WNT5B: variants seen among roughly 807,000 people sequenced by gnomAD.
The protein encoded by WNT5B is Wnt family member 5B.
A neutral mutation model predicts 36.5 loss-of-function variants in WNT5B; 18 were observed. The observed-to-expected ratio is 0.49, with a 90% CI of 0.34 to 0.73. WNT5B has a LOEUF of 0.73. Ranked by LOEUF, WNT5B falls within the 30% of genes least tolerant of loss-of-function variation. WNT5B has a pLI of 0.01. For synonymous variants in WNT5B, 213 were observed against 212.3 expected (o/e 1.00, Z -0.03); for missense variants, 424 against 508.4 (o/e 0.83, Z 1.60).
rs1331624046 is a variant in WNT5B, at chr12:1,632,792, T to C, written c.215T>C (p.Ile72Thr). ...CQLYQEHMAYIGEGAKTGIKE... is the reference protein window; with the variant it reads ...CQLYQEHMAYTGEGAKTGIKE... ...TTGTACCAGGAGCACATGGCCTACA[T>C]AGGGGAGGGAGCCAAGACTGGCATC... The change falls in exon 3 of 5, where the codon ATA becomes ACA. Residue 72 changes from isoleucine (I) to threonine (T), a missense_variant. Coordinates refer to ENST00000397196, the MANE Select transcript of WNT5B (RefSeq NM_032642.3). This position sits in a 1 kb window ranked among gnomAD's most constrained non-coding sequence, Gnocchi z 5.8. 6.2e-7 allele frequency: 1 copy of C among 1,613,906 alleles called. No individual in the cohort carries two copies. Among genetic ancestry groups the C allele is most frequent in the Non-Finnish European group, 8.5e-7 (1 of 1,179,974 alleles).
At chr12:1,635,767 T>C (rs568133986) in intron 3 of WNT5B, among the ~76,000 whole-genome samples, 1 of 152,370 alleles carries the variant, frequency 6.6e-6, no homozygotes, top group South Asian at 2.1e-4. Context: ...CCATCCCCAG[T>C]GCTCCTTGTC....
At chr12:1,639,206 C>T (rs1481416956) in intron 3 of WNT5B, among the ~76,000 whole-genome samples, 7 of 150,270 alleles carry the variant, frequency 4.7e-5, no homozygotes, top group East Asian at 2.0e-4. Flanking sequence ...GGCGCGGTCT[C>T]AGCTCCCTGC....
chr12:1,631,786 G>T (rs1324673223), intron 2 of WNT5B, among the ~76,000 whole-genome samples: 1 of 152,100 alleles, frequency 6.6e-6, no homozygotes. Context: ...TGTTTTGCTG[G>T]TAGGATATAG....
At chr12:1,634,542 C>T (rs1019266481) in intron 3 of WNT5B, among the ~76,000 whole-genome samples, 1 of 152,160 alleles carries the variant, frequency 6.6e-6, no homozygotes, top group South Asian at 2.1e-4. Flanking sequence ...AAAGCAAACC[C>T]TGTCGAAGAG....
At chr12:1,626,332 C>G (rs2094540941), upstream of WNT5B, among the ~76,000 whole-genome samples, 1 of 148,962 alleles carries the variant, frequency 6.7e-6, no homozygotes, top group African/African-American at 2.5e-5. Flanking sequence ...GGCGCAGTCT[C>G]AGCTCACTGC....
chr12:1,631,200 C>G, intron 1 of WNT5B, 98 bp from the exon 2 acceptor site: 1 of 1,106,738 alleles, frequency 9.0e-7, no homozygotes, highest in Non-Finnish European at 1.3e-6. Context: ...ACACGCAGCA[C>G]GTAAGCATCA....
At chr12:1,631,131 G>A in intron 1 of WNT5B, 167 bp from the exon 2 acceptor site, 1 of 508,942 alleles carries the variant, frequency 2.0e-6, no homozygotes, top group East Asian at 3.2e-5. Context: ...AAGTCCTAGG[G>A]TGGGAAGATG....
In WNT5B at chr12:1,644,683, T is replaced by G. The variant is rs2094581975; in HGVS notation, c.622-1111T>G. 6.6e-6 allele frequency: 1 copy of G among 152,216 alleles called. No individual in the cohort carries two copies. The highest frequency in any genetic ancestry group is 2.4e-5 in the African/African-American group (1 of 41,444). 9.4% of individuals were successfully genotyped at this position (152,216 alleles called of 1,614,324 possible). On this transcript the variant is annotated intron_variant, in intron 4 of 4. Transcript: ENST00000397196. This position sits in a 1 kb window ranked among gnomAD's most constrained non-coding sequence, Gnocchi z 5.1. Reference sequence around the variant, plus strand: ...AATGCTCTGCAGCCGGCTTGCGTTTTCATCCCGCCATCTGCACGTCTAGGC... The same window carrying G: ...AATGCTCTGCAGCCGGCTTGCGTTTGCATCCCGCCATCTGCACGTCTAGGC...
intron 3 of WNT5B, among the ~76,000 whole-genome samples, 157 bp from the exon 4 acceptor site, chr12:1,639,527 G>GACGTTTCCAAGCGTTAGAGCT (rs2094569641): frequency 1.3e-5 from 2 of 152,186 alleles, no homozygotes; most frequent in Non-Finnish European, 2.9e-5. Flanking sequence ...ATTATAAAGA[G>GACGTTTCCAAGCGTTAGAGCT]ACGTTTCCAA....
Position 1,632,743 on chromosome 12 carries a change from C to G in WNT5B, c.166C>G (p.Pro56Ala), listed in dbSNP as rs1490251863. 1.9e-6 allele frequency: 3 copies of G among 1,614,138 alleles called. No homozygotes were observed. In the East Asian group the frequency reaches 6.7e-5, roughly 36 times the overall value. ...GTGCAGTCAGCTTCCCGGGCTCTCC[C>G]CTGGCCAGAGGAAGCTGTGCCAATT... ...PVCSQLPGLS[P>A]GQRKLCQLYQ... The change falls in exon 3 of 5, where the codon CCT becomes GCT. Residue 56 changes from proline to alanine, a missense_variant. Transcript: ENST00000397196. The surrounding 1 kb of genome is among the most constrained non-coding windows in gnomAD (Gnocchi z 5.8).
In WNT5B at chr12:1,632,450, T is replaced by C. The variant is rs4766401; in HGVS notation, c.81-208T>C. On this transcript the variant is annotated intron_variant, in intron 2 of 4. Transcript: ENST00000397196. This position sits in a 1 kb window ranked among gnomAD's most constrained non-coding sequence, Gnocchi z 5.8. ...ATATCCAGAGTCTGTCTGGGGCATTTGGCATCTCGCATGTCCTTTGTGTTC... is the reference window on the plus strand; with the variant it reads ...ATATCCAGAGTCTGTCTGGGGCATTCGGCATCTCGCATGTCCTTTGTGTTC... Among the ~76,000 whole-genome samples the C allele has an allele frequency of 0.71, 107,809 of 152,042 alleles. 38,600 individuals are homozygous for C. The highest frequency in any genetic ancestry group is 0.78 in the South Asian group (3,745 of 4,814).
chr12:1,623,826 G>A (rs1297715183), intron 1 of WNT5B, among the ~76,000 whole-genome samples: 1 of 152,088 alleles, frequency 6.6e-6, no homozygotes, highest in East Asian at 1.9e-4. Context: ...GTAAAACTAA[G>A]TACCAACTCT....
intron 2 of WNT5B, 44 bp downstream of exon 2, chr12:1,631,478 T>G: frequency 6.2e-7 from 1 of 1,612,980 alleles, no homozygotes; most frequent in Non-Finnish European, 8.5e-7. Context: ...GCCGGAGGCC[T>G]CCTTCAGCGA....
At chr12:1,623,184 G>GGTTTTT (rs1272170104) in intron 1 of WNT5B, among the ~76,000 whole-genome samples, 6 of 53,516 alleles carry the variant, frequency 1.1e-4, no homozygotes, top group African/African-American at 4.4e-4. Context: ...AGGGTTTTTT[G>GGTTTTT]TTGTTTTTTT....
chr12:1,636,542 C>G, intron 3 of WNT5B, among the ~76,000 whole-genome samples: 2 of 75,134 alleles, frequency 2.7e-5, no homozygotes, highest in African/African-American at 5.4e-5. Context: ...TATATATATA[C>G]TTTTTTTTTT....
chr12:1,625,562 G>A (rs190046050), upstream of WNT5B, among the ~76,000 whole-genome samples: 2 of 152,328 alleles, frequency 1.3e-5, no homozygotes, highest in East Asian at 3.9e-4. Flanking sequence ...ATGCAGCCAG[G>A]AGTTCACAAA....
At chr12:1,624,526 T>C (rs1192515627), upstream of WNT5B, among the ~76,000 whole-genome samples, 1 of 152,202 alleles carries the variant, frequency 6.6e-6, no homozygotes, top group African/African-American at 2.4e-5. Context: ...TACTTAATTT[T>C]AGTTTCCCTG....
chr12:1,646,517 A>C lies in WNT5B; in HGVS notation c.*265A>C, dbSNP rs1244424463. 1.4e-5 allele frequency: 3 copies of C among 211,260 alleles called. No homozygotes were observed. The Admixed American group carries it at 1.6e-4, about 11-fold the overall frequency. The allele number at this position is 211,260 out of a possible 1,614,324, so 13.1% of individuals were successfully genotyped here. ...GACTCTCAGGATGTAGGGACTTGGAAATATTTACTGTCTGTCCACCACGGC... is the reference window on the plus strand; with the variant it reads ...GACTCTCAGGATGTAGGGACTTGGACATATTTACTGTCTGTCCACCACGGC... On this transcript the variant is annotated 3_prime_UTR_variant, in exon 5 of 5. Transcript: ENST00000397196.
chr12:1,617,757 G>C (rs1393439276), intron 1 of WNT5B, among the ~76,000 whole-genome samples: 8 of 152,206 alleles, frequency 5.3e-5, no homozygotes, highest in African/African-American at 1.7e-4. Context: ...AGACAGCAGA[G>C]AGCAGTGGGG....
Sources: allele counts gnomAD v4.1 joint callset (sites outside exome capture counted in the v4.1 genomes callset), GRCh38; gene constraint gnomAD v4.1.1; non-coding constraint Gnocchi (gnomAD v3.1); transcripts MANE v1.5; gene names NCBI Gene and HGNC (gene_info 2026-07-23, HGNC 2026-07-21).